Variants in HTR7 observed in about 807,000 individuals in gnomAD.
The protein encoded by HTR7 is 5-hydroxytryptamine receptor 7.
HTR7 carries 16 observed loss-of-function variants against 34.0 expected under a neutral mutation model. The observed-to-expected ratio is 0.47, with a 90% CI of 0.32 to 0.71. The LOEUF (loss-of-function observed/expected upper bound fraction) is 0.71, where lower values mean the gene tolerates loss of function less well. HTR7 is among the 30% of genes least tolerant of loss of function. The pLI is 0.04. For synonymous variants in HTR7, 265 were observed against 260.2 expected, an observed-to-expected ratio of 1.02 and a Z score of -0.18; for missense variants, 504 against 625.5, an observed-to-expected ratio of 0.81 and a Z score of 2.07.
chr10:90,826,355 T>C (rs1846073663), intron 1 of HTR7, among the ~76,000 whole-genome samples: 1 of 152,198 alleles, frequency 6.6e-6, no homozygotes, highest in African/African-American at 2.4e-5. Flanking sequence ...AACGGAATTT[T>C]TTCAGTCTGA....
Position 90,858,017 on chromosome 10 carries a change from C to A in HTR7, c.-346G>T, listed in dbSNP as rs951461474. ...GGCTGCGCCGAGAGCGCCCGGGCGG[C>A]AGCGGCAGAAGTTGCGGAGTGCGCC... On this transcript the variant is annotated 5_prime_UTR_variant, in exon 1 of 4. Coordinates refer to ENST00000336152, the MANE Select transcript of HTR7 (RefSeq NM_019859.4). Among the ~76,000 whole-genome samples, 1 of 149,506 alleles carries A rather than the reference C, an allele frequency of 6.7e-6. No individual in the cohort carries two copies. The highest frequency in any genetic ancestry group is 2.4e-5 in the African/African-American group (1 of 41,108).
At chr10:90,796,119 C>T (rs1845534916) in intron 1 of HTR7, among the ~76,000 whole-genome samples, 1 of 152,140 alleles carries the variant, frequency 6.6e-6, no homozygotes, top group South Asian at 2.1e-4. Context: ...GAGGCATGTC[C>T]AACCTCCCCC....
chr10:90,803,505 T>G (rs1375960413), intron 1 of HTR7, among the ~76,000 whole-genome samples: 1 of 152,218 alleles, frequency 6.6e-6, no homozygotes, highest in Non-Finnish European at 1.5e-5. Flanking sequence ...TGCACAAGGT[T>G]GAACCCACTC....
At chr10:90,819,388 C>T (rs932871396) in intron 1 of HTR7, among the ~76,000 whole-genome samples, 6 of 152,108 alleles carry the variant, frequency 3.9e-5, no homozygotes, top group Admixed American at 3.3e-4. Context: ...TAGAAATTCT[C>T]TCCTCCTCCC....
intron 1 of HTR7, among the ~76,000 whole-genome samples, chr10:90,781,356 C>T (rs932888453): frequency 5.9e-5 from 9 of 152,068 alleles, no homozygotes; most frequent in Non-Finnish European, 8.8e-5. Flanking sequence ...GAATTTAAGC[C>T]GAACCCCTAA....
chr10:90,807,812 T>C (rs1021191472), intron 1 of HTR7, among the ~76,000 whole-genome samples: 24 of 112,644 alleles, frequency 2.1e-4, no homozygotes, highest in African/African-American at 5.7e-4. Flanking sequence ...CTTTGCTCCG[T>C]GAAAAAGATC....
rs1238476898 is a variant in HTR7 at position 90,857,664 on chromosome 10, T to A, written c.8A>T (p.Asp3Val). 1.3e-6 allele frequency: 2 copies of A among 1,573,130 alleles called. No individual in the cohort carries two copies. The highest frequency in any genetic ancestry group is 1.7e-6 in the Non-Finnish European group (2 of 1,167,574). Residue 3 changes from aspartate to valine, a missense_variant, in exon 1 of 4, where the codon GAC (aspartate) becomes GTC (valine). Around this residue, in one of 4 missense-constraint regions of HTR7, gnomAD observed 139 missense variants for 117.1 expected, o/e 1.19. Coordinates refer to ENST00000336152, the MANE Select transcript of HTR7 (RefSeq NM_019859.4). This position sits in a 1 kb window ranked among gnomAD's most constrained non-coding sequence, Gnocchi z 6.5. ...GTCCGGGCGGCCGCTGCTGTTAACGTCCATCATCGCGCCGCCGTGTGCCGC... is the reference window on the plus strand; with the variant it reads ...GTCCGGGCGGCCGCTGCTGTTAACGACCATCATCGCGCCGCCGTGTGCCGC... MMDVNSSGRPDLY... is the reference protein window; with the variant it reads MMVVNSSGRPDLY...
chr10:90,815,226 GGAGTACAGGC>G (rs1192763012), intron 1 of HTR7, among the ~76,000 whole-genome samples: 4 of 151,910 alleles, frequency 2.6e-5, no homozygotes, highest in African/African-American at 9.7e-5. Flanking sequence ...TGAGTAGCTG[GGAGTACAGGC>G]GCCCACCACC....
intron 1 of HTR7, among the ~76,000 whole-genome samples, chr10:90,785,205 G>A (rs1211656249): frequency 6.6e-6 from 1 of 152,166 alleles, no homozygotes; most frequent in Non-Finnish European, 1.5e-5. Flanking sequence ...TGGTACAATG[G>A]TTGATATGAC....
chr10:90,802,268 A>G (rs916527961), intron 1 of HTR7, among the ~76,000 whole-genome samples: 1 of 151,582 alleles, frequency 6.6e-6, no homozygotes, highest in Non-Finnish European at 1.5e-5. Context: ...GCCAATCTGA[A>G]AAGACTAGGA....
rs1447316797 is a variant in HTR7, at chr10:90,742,009, T to C, written c.*473A>G. The C allele has an allele frequency of 2.6e-5, 4 of 152,912 alleles. No individual in the cohort carries two copies. Among genetic ancestry groups the C allele is most frequent in the African/African-American group, 7.2e-5 (3 of 41,474 alleles). The allele number at this position is 152,912 out of a possible 1,614,324, so 9.5% of individuals were successfully genotyped here. A position where few individuals can be genotyped will look rare whatever the true frequency, so the allele number is the denominator to read the frequency against. Reference sequence around the variant, plus strand: ...GATGACTGGATTCTGTTTTCTAACATGGACATGCAACATATTCAACACTAC... The same window carrying C: ...GATGACTGGATTCTGTTTTCTAACACGGACATGCAACATATTCAACACTAC... On this transcript the variant is annotated 3_prime_UTR_variant, in exon 4 of 4. Transcript: ENST00000336152.
chr10:90,758,892 A>C (rs989212033), intron 1 of HTR7, among the ~76,000 whole-genome samples: 10 of 152,198 alleles, frequency 6.6e-5, no homozygotes, highest in Non-Finnish European at 1.5e-4. Context: ...TGAGTGTATA[A>C]AATGTGAAAT....
rs150110810 is a variant in HTR7 at position 90,757,154 on chromosome 10, G to A, written c.540-7560C>T. 2.9e-3 allele frequency among the ~76,000 whole-genome samples: 448 copies of A among 152,268 alleles called. 2 individuals are homozygous for A. The highest frequency in any genetic ancestry group is 0.01 in the African/African-American group (428 of 41,558). The stretch of plus-strand genomic sequence containing the variant: ...AAAGGTTAGAGGCAGGAAAAGAAAG[G>A]AAAATATTCTGTTTTATGATGGTTC... On this transcript the variant is annotated intron_variant, in intron 1 of 3. Coordinates refer to ENST00000336152, the MANE Select transcript of HTR7 (RefSeq NM_019859.4).
At chr10:90,827,322 G>T (rs150171145) in intron 1 of HTR7, among the ~76,000 whole-genome samples, 3 of 152,310 alleles carry the variant, frequency 2.0e-5, no homozygotes, top group African/African-American at 7.2e-5. Flanking sequence ...AAGGGTGGAG[G>T]ATTGCTAGAG....
At chr10:90,816,796 CG>C (rs1845904500) in intron 1 of HTR7, among the ~76,000 whole-genome samples, 1 of 152,138 alleles carries the variant, frequency 6.6e-6, no homozygotes, top group Non-Finnish European at 1.5e-5. Context: ...CCTCTAAGCC[CG>C]GGGACTATCA....
At chr10:90,776,532 G>A (rs112008477) in intron 1 of HTR7, among the ~76,000 whole-genome samples, 3,789 of 152,192 alleles carry the variant, frequency 0.025, 155 homozygotes, top group African/African-American at 0.082. Flanking sequence ...TTCTTTCTCT[G>A]AAGTTTATAA....
intron 1 of HTR7, among the ~76,000 whole-genome samples, chr10:90,840,132 A>G: frequency 7.6e-6 from 1 of 131,536 alleles, no homozygotes; most frequent in East Asian, 2.2e-4. Context: ...TCTCCTCTCC[A>G]TCTCTCCATC....
At chr10:90,779,973 T>G (rs139143199) in intron 1 of HTR7, among the ~76,000 whole-genome samples, 114 of 152,338 alleles carry the variant, frequency 7.5e-4, no homozygotes, top group African/African-American at 2.6e-3. Flanking sequence ...CCTCCAGCCC[T>G]GCATGCAGGC....
chr10:90,835,052 C>T (rs979709510), intron 1 of HTR7, among the ~76,000 whole-genome samples: 6 of 152,074 alleles, frequency 3.9e-5, no homozygotes, highest in African/African-American at 1.2e-4. Context: ...TGTAAAAATG[C>T]GTCTGACTCA....
Sources: gnomAD v4.1 joint callset for allele counts (sites outside exome capture counted in the v4.1 genomes callset) on GRCh38, gnomAD v4.1.1 for gene constraint, gnomAD v4.1.1 regional missense constraint, Gnocchi (gnomAD v3.1) non-coding constraint, MANE v1.5 for transcripts, NCBI Gene and HGNC (gene_info 2026-07-23, HGNC 2026-07-21) for gene names.